Variants in CYTH3 observed in about 807,000 individuals in gnomAD.
The protein encoded by CYTH3 is cytohesin 3, also known as cytohesin-3.
A neutral mutation model predicts 55.1 loss-of-function variants in CYTH3; 23 were observed. The observed-to-expected ratio is 0.42, with a 90% CI of 0.30 to 0.59. The LOEUF (loss-of-function observed/expected upper bound fraction) is 0.59, where lower values mean the gene tolerates loss of function less well. CYTH3 is among the 20% of genes least tolerant of loss of function. The pLI, the probability that CYTH3 is intolerant of heterozygous loss-of-function variation, is 0.20. For synonymous variants in CYTH3, 249 were observed against 194.9 expected, an observed-to-expected ratio of 1.28 and a Z score of -2.31; for missense variants, 413 against 524.8, an observed-to-expected ratio of 0.79 and a Z score of 2.08.
Position 6,170,737 on chromosome 7 carries a change from G to C in CYTH3, c.712-91C>G. 6.4e-7 allele frequency: 1 copy of C among 1,566,448 alleles called. No individual in the cohort carries two copies. The highest frequency in any genetic ancestry group is 8.7e-7 in the Non-Finnish European group (1 of 1,153,890). On this transcript the variant is annotated intron_variant, in intron 8 of 12. Transcript: ENST00000350796. The surrounding 1 kb of genome is among the most constrained non-coding windows in gnomAD (Gnocchi z 7.8). ...CTCAGCGGGACCAGGGCGGCAAGGA[G>C]GCTTGGGAGGCGTGTCTAGAGCCGC...
intron 1 of CYTH3, among the ~76,000 whole-genome samples, chr7:6,270,462 C>A (rs1406002469): frequency 6.6e-6 from 1 of 152,122 alleles, no homozygotes; most frequent in African/African-American, 2.4e-5. Context: ...ACATTCACGT[C>A]TTTGATGGTT....
chr7:6,196,528 CA>C (rs1783936996), intron 1 of CYTH3, among the ~76,000 whole-genome samples: 2 of 143,132 alleles, frequency 1.4e-5, no homozygotes, highest in South Asian at 4.4e-4. Context: ...GGCACAATCT[CA>C]GCTCACTGCA....
At chr7:6,259,780 ATATAATATATATATAT>A (rs1490460143) in intron 1 of CYTH3, among the ~76,000 whole-genome samples, 795 of 22,060 alleles carry the variant, frequency 0.036, 35 homozygotes, top group Non-Finnish European at 0.039. Context: ...TATTATATAT[ATATAATATATATATAT>A]ATATATATAT....
Position 6,184,615 on chromosome 7 carries a change from T to C in CYTH3, c.249+2435A>G, listed in dbSNP as rs374326373. On this transcript the variant is annotated intron_variant, in intron 4 of 12. Coordinates refer to ENST00000350796, the MANE Select transcript of CYTH3 (RefSeq NM_004227.4). The stretch of plus-strand genomic sequence containing the variant: ...TATTTTGAGAGACAGCCTCTTACTC[T>C]TGTCGCCCAGACTGGAGTGCAGTGA... Among the ~76,000 whole-genome samples the C allele has an allele frequency of 3.3e-3, 499 of 151,974 alleles. 1 individual carries two copies. The highest frequency in any genetic ancestry group is 0.011 in the African/African-American group (472 of 41,458).
At chr7:6,207,275 T>C (rs142568724) in intron 1 of CYTH3, among the ~76,000 whole-genome samples, 2,585 of 151,922 alleles carry the variant, frequency 0.017, 71 homozygotes, top group African/African-American at 0.059. Flanking sequence ...TCTGTATTTT[T>C]AGTAGAGACA....
chr7:6,210,939 G>T (rs959835830), intron 1 of CYTH3, among the ~76,000 whole-genome samples: 2 of 152,170 alleles, frequency 1.3e-5, no homozygotes, highest in African/African-American at 4.8e-5. Flanking sequence ...TTTGATATTT[G>T]ATCACAAAAT....
chr7:6,170,317 G>C lies in CYTH3; in HGVS notation c.823+218C>G, dbSNP rs1007415306. ...TTCTGGGACGGGCCGTGCAGCCTGG[G>C]CGCTACTCTCTGCCGCGGGCATGGC... On this transcript the variant is annotated intron_variant, in intron 9 of 12. Coordinates refer to ENST00000350796, the MANE Select transcript of CYTH3 (RefSeq NM_004227.4). The surrounding 1 kb of genome is among the most constrained non-coding windows in gnomAD (Gnocchi z 7.8). 20 of 568,378 alleles carry C rather than the reference G, an allele frequency of 3.5e-5. No individual in the cohort carries two copies. Among genetic ancestry groups the C allele is most frequent in the African/African-American group, 3.2e-4 (17 of 53,042 alleles). The allele number at this position is 568,378 out of a possible 1,614,324, so 35.2% of individuals were successfully genotyped here.
In CYTH3 at chr7:6,164,921, C is replaced by T; in HGVS notation, c.*23G>A. ...CTTTCTGCTGGGGTTGGGTCTTTTACCTGGGTCTTTTAGCCAGGAAAGCTA... is the reference window on the plus strand; with the variant it reads ...CTTTCTGCTGGGGTTGGGTCTTTTATCTGGGTCTTTTAGCCAGGAAAGCTA... On this transcript the variant is annotated 3_prime_UTR_variant, in exon 13 of 13. Coordinates refer to ENST00000350796, the MANE Select transcript of CYTH3 (RefSeq NM_004227.4). 2 of 1,614,146 alleles carry T rather than the reference C, an allele frequency of 1.2e-6. No individual in the cohort carries two copies. The highest frequency in any genetic ancestry group is 1.7e-6 in the Non-Finnish European group (2 of 1,179,978).
At chr7:6,211,669 T>G (rs544506032) in intron 1 of CYTH3, among the ~76,000 whole-genome samples, 1 of 152,232 alleles carries the variant, frequency 6.6e-6, no homozygotes, top group South Asian at 2.1e-4. Context: ...ACAATTAAAT[T>G]ATTATTGACT....
chr7:6,259,847 T>A (rs1170293917), intron 1 of CYTH3, among the ~76,000 whole-genome samples: 5 of 83,076 alleles, frequency 6.0e-5, no homozygotes, highest in Admixed American at 1.5e-4. Flanking sequence ...TTTTTTTTTT[T>A]AAGACGGATT....
intron 1 of CYTH3, among the ~76,000 whole-genome samples, chr7:6,250,629 G>A (rs1261616587): frequency 6.6e-6 from 1 of 152,180 alleles, no homozygotes; most frequent in African/African-American, 2.4e-5. Flanking sequence ...TTCCATTTAC[G>A]TGACATGTCC....
chr7:6,190,366 TTTTGTGAGG>T, intron 2 of CYTH3, 74 bp downstream of exon 2: 1 of 1,009,918 alleles, frequency 9.9e-7, no homozygotes, highest in Non-Finnish European at 1.3e-6. Flanking sequence ...TTTTTTACAT[TTTTGTGAGG>T]CTACTCTTTT....
At chr7:6,197,712 A>C (rs1260360084) in intron 1 of CYTH3, among the ~76,000 whole-genome samples, 2 of 152,140 alleles carry the variant, frequency 1.3e-5, no homozygotes, top group Admixed American at 6.5e-5. Flanking sequence ...ATTGAGCAAA[A>C]TTATAACAAT....
chr7:6,173,722 T>C lies in CYTH3; in HGVS notation c.380A>G (p.Asn127Ser). Residue 127 changes from asparagine to serine, a missense_variant, in exon 6 of 13, where the codon AAT becomes AGT. Asn to Ser is a conservative substitution (Grantham distance 46). This residue lies in a region of CYTH3 where 156 missense variants were observed against 233.1 expected (regional missense o/e 0.67). Coordinates refer to ENST00000350796, the MANE Select transcript of CYTH3 (RefSeq NM_004227.4). ...AACAAAGGCTTGAAGAACTTTAATATTAAATTCATCCCTGGGAAAAAAAGA... is the reference window on the plus strand; with the variant it reads ...AACAAAGGCTTGAAGAACTTTAATACTAAATTCATCCCTGGGAAAAAAAGA... ...GDYLGERDEF[N>S]IKVLQAFVEL... is the part of the protein sequence containing the mutation. 1 of 1,600,854 alleles carries C rather than the reference T, an allele frequency of 6.2e-7. No individual in the cohort carries two copies.
chr7:6,219,488 T>G (rs555463094), intron 1 of CYTH3, among the ~76,000 whole-genome samples: 1 of 152,330 alleles, frequency 6.6e-6, no homozygotes, highest in African/African-American at 2.4e-5. Flanking sequence ...GACAAGGGTG[T>G]GGCTGGCCAA....
At chr7:6,183,188 C>T (rs1265083628) in intron 4 of CYTH3, among the ~76,000 whole-genome samples, 1 of 152,222 alleles carries the variant, frequency 6.6e-6, no homozygotes, top group Non-Finnish European at 1.5e-5. Flanking sequence ...CCAGTCTCGA[C>T]GTCCCTCCCA....
intron 1 of CYTH3, among the ~76,000 whole-genome samples, chr7:6,255,766 T>G (rs929295027): frequency 3.3e-4 from 47 of 143,996 alleles, no homozygotes; most frequent in African/African-American, 1.1e-3. Flanking sequence ...CTGTTTTTTT[T>G]TTTTTTTTTT....
In CYTH3 at chr7:6,201,754, G is replaced by T. The variant is rs570678723; in HGVS notation, c.35-11223C>A. Reference sequence around the variant, plus strand: ...TGCTCTCAAGTTCTTAGGGTTCGAAGGCGGAGCGGATAGATGATTAACTTT... The same window carrying T: ...TGCTCTCAAGTTCTTAGGGTTCGAATGCGGAGCGGATAGATGATTAACTTT... On this transcript the variant is annotated intron_variant, in intron 1 of 12. Coordinates refer to ENST00000350796, the MANE Select transcript of CYTH3 (RefSeq NM_004227.4). Among the ~76,000 whole-genome samples, 9 of 152,272 alleles carry T rather than the reference G, an allele frequency of 5.9e-5. No homozygotes were observed. The South Asian group carries it at 1.7e-3, about 28-fold the overall frequency.
intron 1 of CYTH3, among the ~76,000 whole-genome samples, chr7:6,257,039 T>A (rs1780147058): frequency 6.6e-6 from 1 of 152,194 alleles, no homozygotes; most frequent in Admixed American, 6.5e-5. Context: ...AGGAACATAG[T>A]CCATAACAGA....
Sources: allele counts gnomAD v4.1 joint callset (sites outside exome capture counted in the v4.1 genomes callset), GRCh38; gene constraint gnomAD v4.1.1; regional missense constraint gnomAD v4.1.1; non-coding constraint Gnocchi (gnomAD v3.1); transcripts MANE v1.5; gene names NCBI Gene and HGNC (gene_info 2026-07-23, HGNC 2026-07-21).